The following KRT8 variants were observed in gnomAD, a reference collection of about 807,000 sequenced individuals.
KRT8 encodes keratin, type II cytoskeletal 8.
Under a neutral mutation model 43.0 loss-of-function variants are expected in KRT8, and 24 were observed. The observed-to-expected ratio is 0.56, with a 90% confidence interval of 0.40 to 0.78. The LOEUF is 0.78. Among genes scored for constraint, KRT8 ranks in the 30% least tolerant of loss-of-function variants. The pLI is 0.00. For missense variants in KRT8, 492 were observed against 638.4 expected (o/e 0.77, Z 2.47); for synonymous variants, 214 against 261.2 (o/e 0.82, Z 1.74).
intron 1 of KRT8, chr12:52,903,400 C>G (rs539155770): frequency 6.6e-6 from 1 of 152,352 alleles, no homozygotes; most frequent in Non-Finnish European, 1.5e-5. Context: ...CCAGGGCTAG[C>G]AAAACGCAGT....
In KRT8 at chr12:52,929,714, A is replaced by G. The variant is rs565333166; in HGVS notation, c.-47+19742T>C. Among the ~76,000 whole-genome samples, 11 of 152,210 alleles carry G rather than the reference A, an allele frequency of 7.2e-5. No homozygotes were observed. In the South Asian group the frequency reaches 2.3e-3, roughly 32 times the overall value. Reference sequence around the variant, plus strand: ...ATCTCCCATGCAGCTGAAGGGGCACATGCATTTGTGAAAGCCACCCACAGA... The same window carrying G: ...ATCTCCCATGCAGCTGAAGGGGCACGTGCATTTGTGAAAGCCACCCACAGA... On this transcript the variant is annotated intron_variant, in intron 2 of 6. Coordinates refer to the KRT8 transcript ENST00000546826.
At chr12:52,910,385 A>G (rs1384323989), upstream of KRT8, among the ~76,000 whole-genome samples, 1 of 152,216 alleles carries the variant, frequency 6.6e-6, no homozygotes, top group Non-Finnish European at 1.5e-5. Flanking sequence ...TCCCAGAGGA[A>G]ATAGGCCAGA....
Position 52,898,673 on chromosome 12 carries a change from A to G in KRT8, c.1202+6T>C. Reference sequence around the variant, plus strand: ...AGCAGGTCCGGTCAGAGGTACCCACACCCACCGGCTCTCCTCGCCCTCCAG... The same window carrying G: ...AGCAGGTCCGGTCAGAGGTACCCACGCCCACCGGCTCTCCTCGCCCTCCAG... On this transcript the variant is annotated splice_donor_region_variant and intron_variant, in intron 6 of 7. Transcript: ENST00000692008. The G allele has an allele frequency of 1.2e-6, 2 of 1,613,850 alleles. No individual in the cohort carries two copies. Among genetic ancestry groups the G allele is most frequent in the Non-Finnish European group, 1.7e-6 (2 of 1,179,914 alleles).
At chr12:52,938,825 A>G (rs1197809829) in intron 2 of KRT8, among the ~76,000 whole-genome samples, 1 of 151,804 alleles carries the variant, frequency 6.6e-6, no homozygotes, top group East Asian at 2.0e-4. Context: ...CACCGTGTTA[A>G]CCAGGATTGT....
intron 1 of KRT8, among the ~76,000 whole-genome samples, chr12:52,903,998 G>T (rs1941446595): frequency 6.6e-6 from 1 of 151,564 alleles, no homozygotes; most frequent in Non-Finnish European, 1.5e-5. Flanking sequence ...CAGGGGCCGG[G>T]GTATGACTCA....
rs759804104 is a variant in KRT8 at position 52,904,789 on chromosome 12, C to T, written c.193G>A (p.Ala65Thr). The change falls in exon 1 of 8, where the codon GCA (alanine) becomes ACA (threonine). Residue 65 changes from alanine (A) to threonine (T), a missense_variant. Around this residue, in one of 3 missense-constraint regions of KRT8, gnomAD observed 84 missense variants for 97.6 expected, o/e 0.86. Transcript: ENST00000692008. ...AGCAGGCTCTGGTTGACCGTAACTG[C>T]GGTGATGCCTCCCATGCCGCTGGCC... is the stretch of plus-strand genomic sequence containing the variant. 3.7e-6 allele frequency: 6 copies of T among 1,612,356 alleles called. No individual in the cohort carries two copies. In the South Asian group the frequency reaches 5.5e-5, roughly 15 times the overall value.
At chr12:52,910,802 G>A (rs977173454), upstream of KRT8, among the ~76,000 whole-genome samples, 2 of 152,220 alleles carry the variant, frequency 1.3e-5, no homozygotes, top group East Asian at 1.9e-4. Flanking sequence ...GAGCTGCTTA[G>A]CACTGGAGCT....
At chr12:52,936,027 G>A (rs551055475) in intron 2 of KRT8, among the ~76,000 whole-genome samples, 1 of 152,208 alleles carries the variant, frequency 6.6e-6, no homozygotes, top group South Asian at 2.1e-4. Flanking sequence ...GCCGAGGCAG[G>A]TGGATCACGA....
chr12:52,900,690 G>A lies in KRT8; in HGVS notation c.595-7C>T. The A allele has an allele frequency of 6.2e-7, 1 of 1,603,092 alleles. No individual in the cohort carries two copies. The highest frequency in any genetic ancestry group is 8.5e-7 in the Non-Finnish European group (1 of 1,171,950). ...TGTAAGCTTCATCCACATCCTGGGG[G>A]ATGAGGAGAGGGGAGCCTGAGCTGG... On this transcript the variant is annotated splice_polypyrimidine_tract_variant and splice_region_variant and intron_variant, in intron 3 of 7. Transcript: ENST00000692008.
chr12:52,920,371 G>T (rs947069929), intron 2 of KRT8, among the ~76,000 whole-genome samples: 17 of 151,886 alleles, frequency 1.1e-4, no homozygotes, highest in African/African-American at 4.1e-4. Context: ...GCCAAGGCAG[G>T]CAGATCACCT....
At chr12:52,937,471 T>C (rs1942186860) in intron 2 of KRT8, among the ~76,000 whole-genome samples, 1 of 151,708 alleles carries the variant, frequency 6.6e-6, no homozygotes, top group Non-Finnish European at 1.5e-5. Flanking sequence ...GAGTATTGCT[T>C]GAGCTCAGGA....
chr12:52,902,255 TG>T, intron 1 of KRT8, 183 bp from the exon 2 acceptor site: 1 of 613,082 alleles, frequency 1.6e-6, no homozygotes. Context: ...GGCATGATGG[TG>T]AGGTGGGGAG....
chr12:52,938,888 C>A (rs368979732), intron 2 of KRT8, among the ~76,000 whole-genome samples: 74 of 152,062 alleles, frequency 4.9e-4, no homozygotes, highest in African/African-American at 1.5e-3. Context: ...AAGTGCTGGG[C>A]TTACAGGCGT....
chr12:52,934,711 G>A (rs1461311572), intron 2 of KRT8, among the ~76,000 whole-genome samples: 1 of 151,986 alleles, frequency 6.6e-6, no homozygotes. Flanking sequence ...GCTCACGCCT[G>A]TAATCCCAGC....
At chr12:52,907,710 ATC>A (rs1941550691), upstream of KRT8, among the ~76,000 whole-genome samples, 2 of 152,244 alleles carry the variant, frequency 1.3e-5, no homozygotes, top group South Asian at 2.1e-4. Context: ...CTCATTTGTC[ATC>A]TCTCTATTGC....
intron 2 of KRT8, among the ~76,000 whole-genome samples, chr12:52,915,709 C>A (rs191947488): frequency 1.3e-5 from 2 of 151,012 alleles, no homozygotes; most frequent in African/African-American, 4.9e-5. Flanking sequence ...AGCAAGACTC[C>A]GTCTCAAAAA....
chr12:52,910,851 C>A (rs369999919), upstream of KRT8, among the ~76,000 whole-genome samples: 24 of 152,318 alleles, frequency 1.6e-4, no homozygotes, highest in South Asian at 3.3e-3. Flanking sequence ...TCCTGCTGGG[C>A]AACCTGAGGA....
At chr12:52,934,848 A>C (rs367671585) in intron 2 of KRT8, among the ~76,000 whole-genome samples, 2 of 152,046 alleles carry the variant, frequency 1.3e-5, no homozygotes, top group African/African-American at 4.8e-5. Flanking sequence ...GTATGCCTGT[A>C]ATCCCAGGTA....
rs1941464802 is a variant in KRT8 at position 52,904,625 on chromosome 12, G to C, written c.324+33C>G. ...GGGACTACCAGGAGAAAGGGGCTGC[G>C]GGCACAGTCAGCCACGCAGGGGGGA... On this transcript the variant is annotated intron_variant, in intron 1 of 7. Transcript: ENST00000692008. The C allele has an allele frequency of 2.5e-6, 4 of 1,596,998 alleles. No individual in the cohort carries two copies. The Admixed American group carries it at 6.7e-5, about 27-fold the overall frequency.
Sources: allele counts gnomAD v4.1 joint callset (sites outside exome capture counted in the v4.1 genomes callset), GRCh38; gene constraint gnomAD v4.1.1; regional missense constraint gnomAD v4.1.1; transcripts MANE v1.5; gene names NCBI Gene and HGNC (gene_info 2026-07-23, HGNC 2026-07-21).